The following NXPE4 variants were observed in gnomAD, a reference collection of about 807,000 sequenced individuals.
NXPE4 encodes the protein neurexophilin and PC-esterase domain family member 4.
A neutral mutation model predicts 33.3 loss-of-function variants in NXPE4; 42 were observed. That is an observed-to-expected ratio of 1.26 (90% CI 0.98 to 1.63). The LOEUF (loss-of-function observed/expected upper bound fraction) is 1.63, where lower values mean the gene tolerates loss of function less well. Among genes scored for constraint, NXPE4 ranks in the 40% most tolerant of loss-of-function variants. The pLI, the probability that NXPE4 is intolerant of heterozygous loss-of-function variation, is 0.00. For missense variants in NXPE4, 709 were observed against 647.6 expected (o/e 1.09, Z -1.03); for synonymous variants, 253 against 234.9 (o/e 1.08, Z -0.71).
chr11:114,598,598 G>A (rs1949604551), upstream of NXPE4, among the ~76,000 whole-genome samples: 2 of 152,146 alleles, frequency 1.3e-5, no homozygotes, highest in South Asian at 2.1e-4. Flanking sequence ...AGGCTTAATA[G>A]CCTGTGGAAG....
intron 2 of NXPE4, chr11:114,583,353 G>C: frequency 1.6e-6 from 1 of 620,030 alleles, no homozygotes; most frequent in South Asian, 1.5e-5. Context: ...AATCCTCACT[G>C]AATCTGCGTG....
At chr11:114,604,947 G>A in the NXPE4 span, among the ~76,000 whole-genome samples, 16 of 152,070 alleles carry the variant, frequency 1.1e-4, no homozygotes, top group African/African-American at 3.9e-4. Context: ...GTTACCTGGT[G>A]GATAATAATT....
the NXPE4 span, among the ~76,000 whole-genome samples, chr11:114,663,832 T>C: frequency 0.015 from 2,229 of 152,196 alleles, 43 homozygotes; most frequent in African/African-American, 0.051. Context: ...CCAGAAAAGA[T>C]ATGAGCATAT....
At chr11:114,623,255 T>C in the NXPE4 span, among the ~76,000 whole-genome samples, 1 of 152,088 alleles carries the variant, frequency 6.6e-6, no homozygotes, top group Non-Finnish European at 1.5e-5. Flanking sequence ...TCCCGGTGGG[T>C]AATACATATT....
At chr11:114,609,442 G>A in the NXPE4 span, among the ~76,000 whole-genome samples, 1 of 151,730 alleles carries the variant, frequency 6.6e-6, no homozygotes, top group Non-Finnish European at 1.5e-5. Context: ...TGCCTCTCTG[G>A]TAACCACTGT....
rs774164418 is a variant in NXPE4 at position 114,580,163 on chromosome 11, C to T, written c.1068G>A (p.Gln356=). The T allele has an allele frequency of 6.2e-7, 1 of 1,614,094 alleles. No homozygotes were observed. Among genetic ancestry groups the T allele is most frequent in the African/African-American group, 1.3e-5 (1 of 75,054 alleles). ...TACTGGCTTTGAAGTATTCCATCCA[C>T]TGGCGGATCGTGGAATCTCCCATTA... ...IYLMGDSTIR[Q]WMEYFKASIN... is the part of the protein sequence containing the mutation. The change falls in exon 5 of 6, where the codon CAG becomes CAA. Residue 356 remains glutamine, a synonymous_variant. Transcript: ENST00000375478.
the NXPE4 span, among the ~76,000 whole-genome samples, chr11:114,660,363 A>G: frequency 6.6e-6 from 1 of 152,034 alleles, no homozygotes; most frequent in Non-Finnish European, 1.5e-5. Context: ...CATCCTCAAC[A>G]AAGTATTAGC....
chr11:114,600,302 T>C (rs113891473), upstream of NXPE4, among the ~76,000 whole-genome samples: 4 of 152,228 alleles, frequency 2.6e-5, no homozygotes, highest in African/African-American at 9.6e-5. Context: ...TTTTCTATAA[T>C]TCAAAAACTC....
At chr11:114,603,572 G>A in the NXPE4 span, among the ~76,000 whole-genome samples, 20,528 of 148,772 alleles carry the variant, frequency 0.14, 1,668 homozygotes, top group East Asian at 0.35. Flanking sequence ...GTATTGCCTC[G>A]TCTCCTAGGT....
intron 2 of NXPE4, among the ~76,000 whole-genome samples, chr11:114,588,743 T>G (rs1442789638): frequency 6.6e-6 from 1 of 152,134 alleles, no homozygotes; most frequent in Non-Finnish European, 1.5e-5. Context: ...CTGTCCATGG[T>G]AGACCAAAAT....
the NXPE4 span, among the ~76,000 whole-genome samples, chr11:114,618,650 A>G: frequency 1.3e-5 from 2 of 152,150 alleles, no homozygotes; most frequent in African/African-American, 4.8e-5. Flanking sequence ...CCGGTTTATA[A>G]TAAGTGTTGC....
At chr11:114,596,133 G>A (rs922775598), upstream of NXPE4, among the ~76,000 whole-genome samples, 11 of 152,174 alleles carry the variant, frequency 7.2e-5, no homozygotes, top group African/African-American at 2.7e-4. Context: ...CAGTTGGCAG[G>A]ATTCAAGTGC....
rs1284377217 is a variant in NXPE4, at chr11:114,582,363, G to T, written c.755C>A (p.Ala252Asp). Residue 252 changes from alanine to aspartate, a missense_variant, in exon 3 of 6, where the codon GCT becomes GAT. Physicochemically the swap from Ala to Asp is moderately radical, Grantham distance 126. Transcript: ENST00000375478. ...YCVRPQHMPC[A>D]ALTHMYSKNK... is the part of the protein sequence containing the mutation. Reference sequence around the variant, plus strand: ...CTTAGAATACATGTGAGTGAGTGCAGCACAGGGCATGTGTTGAGGCCTCAC... The same window carrying T: ...CTTAGAATACATGTGAGTGAGTGCATCACAGGGCATGTGTTGAGGCCTCAC... The T allele has an allele frequency of 6.2e-7, 1 of 1,614,020 alleles. No homozygotes were observed.
At chr11:114,609,640 G>GT in the NXPE4 span, among the ~76,000 whole-genome samples, 1 of 147,700 alleles carries the variant, frequency 6.8e-6, no homozygotes, top group South Asian at 2.2e-4. Flanking sequence ...GATAATAAGT[G>GT]TGGCCTCGTG....
the NXPE4 span, among the ~76,000 whole-genome samples, chr11:114,611,949 G>C: frequency 1.3e-5 from 2 of 151,634 alleles, no homozygotes; most frequent in Non-Finnish European, 2.9e-5. Context: ...ACTGTTACCT[G>C]GTAGATAATA....
the NXPE4 span, among the ~76,000 whole-genome samples, chr11:114,675,476 ACT>A: frequency 6.6e-6 from 1 of 151,896 alleles, no homozygotes; most frequent in Non-Finnish European, 1.5e-5. Context: ...TACAAAATTC[ACT>A]GCAGAAATAC....
At chr11:114,596,478 C>A (rs1183528877), upstream of NXPE4, among the ~76,000 whole-genome samples, 2 of 152,132 alleles carry the variant, frequency 1.3e-5, no homozygotes, top group Non-Finnish European at 2.9e-5. Context: ...ATCAATCTTT[C>A]CAGTCTTATG....
chr11:114,642,120 C>G, the NXPE4 span, among the ~76,000 whole-genome samples: 178 of 152,068 alleles, frequency 1.2e-3, 3 homozygotes, highest in East Asian at 0.034. Context: ...ACTACCTCAG[C>G]TAGATGATCA....
chr11:114,667,428 G>A, the NXPE4 span, among the ~76,000 whole-genome samples: 9 of 151,920 alleles, frequency 5.9e-5, no homozygotes, highest in East Asian at 1.9e-4. Flanking sequence ...AATTAAACAC[G>A]CAACACCAAA....
Sources: allele counts gnomAD v4.1 joint callset (sites outside exome capture counted in the v4.1 genomes callset), GRCh38; gene constraint gnomAD v4.1.1; transcripts MANE v1.5; gene names NCBI Gene and HGNC (gene_info 2026-07-23, HGNC 2026-07-21).